The following CDH26 variants were observed in gnomAD, a reference collection of about 807,000 sequenced individuals.
The protein encoded by CDH26 is cadherin 26.
In CDH26, 83 loss-of-function variants were observed where a neutral mutation model predicts 90.3. The observed-to-expected ratio is 0.92, with a 90% confidence interval of 0.77 to 1.10. The LOEUF (loss-of-function observed/expected upper bound fraction) is 1.10. Among genes scored for constraint, CDH26 ranks in the 50% least tolerant of loss-of-function variants. The probability of loss-of-function intolerance (pLI) is 0.00; values close to 1 mark genes in which losing one functional copy is unlikely to be tolerated. For synonymous variants in CDH26, 397 were observed against 396.3 expected, an observed-to-expected ratio of 1.00 and a Z score of -0.02; for missense variants, 1,013 against 1,037.6, an observed-to-expected ratio of 0.98 and a Z score of 0.33.
At chr20:59,982,193 T>C (rs1472111113) in intron 4 of CDH26, among the ~76,000 whole-genome samples, 1 of 152,210 alleles carries the variant, frequency 6.6e-6, no homozygotes, top group Non-Finnish European at 1.5e-5. Context: ...ATTCATTTTA[T>C]TGATCATTTC....
In CDH26 at chr20:59,980,703, A is replaced by G. The variant is rs79905120; in HGVS notation, c.394-2220A>G. On this transcript the variant is annotated intron_variant, in intron 4 of 17. Coordinates refer to ENST00000348616, the MANE Select transcript of CDH26 (RefSeq NM_177980.4). ...ATTGTCTTTTCATTTTTGTCTTCTC[A>G]TTCTTACCTTTGTCTTTTCATTCTT... Among the ~76,000 whole-genome samples, 18 of 152,254 alleles carry G rather than the reference A, an allele frequency of 1.2e-4. No homozygotes were observed. In the East Asian group the frequency reaches 3.5e-3, roughly 29 times the overall value.
intron 7 of CDH26, among the ~76,000 whole-genome samples, chr20:60,024,189 G>A (rs910876246): frequency 6.6e-6 from 1 of 152,196 alleles, no homozygotes; most frequent in Admixed American, 6.5e-5. Flanking sequence ...TCCTCTGGGG[G>A]GTTGGAACAA....
chr20:59,985,641 C>T (rs964909670), intron 7 of CDH26, among the ~76,000 whole-genome samples: 3 of 152,004 alleles, frequency 2.0e-5, no homozygotes, highest in Admixed American at 6.6e-5. Context: ...GAGATTTGGG[C>T]GGGGACAGAT....
rs368464426 is a variant in CDH26, at chr20:60,012,514, C to A, written c.2296-13C>A. Reference sequence around the variant, plus strand: ...CATGGCATTTACCTTCTCTTTCCCCCACTTTTCCCCAGAAACTCCATGTTG... The same window carrying A: ...CATGGCATTTACCTTCTCTTTCCCCAACTTTTCCCCAGAAACTCCATGTTG... On this transcript the variant is annotated splice_polypyrimidine_tract_variant and intron_variant, in intron 17 of 17. Transcript: ENST00000348616. 5 of 1,608,352 alleles carry A rather than the reference C, an allele frequency of 3.1e-6. No individual in the cohort carries two copies. The highest frequency in any genetic ancestry group is 3.4e-6 in the Non-Finnish European group (4 of 1,176,818).
At chr20:60,028,569 A>C (rs913258595) in intron 7 of CDH26, among the ~76,000 whole-genome samples, 1 of 152,250 alleles carries the variant, frequency 6.6e-6, no homozygotes, top group African/African-American at 2.4e-5. Flanking sequence ...AACGCTGAGC[A>C]GGGAGTTCAT....
At chr20:60,028,118 A>G (rs2062013117) in intron 7 of CDH26, among the ~76,000 whole-genome samples, 1 of 152,198 alleles carries the variant, frequency 6.6e-6, no homozygotes, top group South Asian at 2.1e-4. Context: ...CTGTGTAATC[A>G]TCACCACTGA....
chr20:60,017,561 G>T (rs772358846), downstream of CDH26, among the ~76,000 whole-genome samples: 2 of 151,742 alleles, frequency 1.3e-5, no homozygotes, highest in African/African-American at 2.4e-5. Context: ...TCAACTTTTT[G>T]TTTCATTAAC....
At position 59,995,921 on chromosome 20, in the gene CDH26, C is replaced by G; in HGVS notation, c.1755C>G (p.Ser585=). The G allele has an allele frequency of 6.2e-7, 1 of 1,614,204 alleles. No individual in the cohort carries two copies. Among genetic ancestry groups the G allele is most frequent in the Non-Finnish European group, 8.5e-7 (1 of 1,180,042 alleles). ...PLFIGDKQGL[S]QKQTVHVRIC... ...TCATTGGAGACAAACAGGGACTTTC[C>G]CAGAAGCAAACTGTCCATGTAAGGA... Residue 585 remains serine (S), a synonymous_variant, in exon 12 of 18, where the codon TCC becomes TCG. Transcript: ENST00000348616.
chr20:60,032,742 G>C (rs1218364090), intron 8 of CDH26, among the ~76,000 whole-genome samples: 2 of 150,568 alleles, frequency 1.3e-5, no homozygotes, highest in Non-Finnish European at 3.0e-5. Context: ...GTAAACTATC[G>C]CAAGAACAAA....
intron 16 of CDH26, among the ~76,000 whole-genome samples, chr20:60,006,164 C>T (rs1000109487): frequency 1.3e-4 from 20 of 152,216 alleles, no homozygotes; most frequent in Non-Finnish European, 5.9e-5. Context: ...GCCTCCAGGC[C>T]AGCCTGACTC....
At chr20:60,020,229 C>G (rs1365746522) in intron 7 of CDH26, among the ~76,000 whole-genome samples, 1 of 152,176 alleles carries the variant, frequency 6.6e-6, no homozygotes, top group Non-Finnish European at 1.5e-5. Context: ...GGCTATTTCT[C>G]AGGCCTGGGA....
Position 59,970,192 on chromosome 20 carries a change from G to T in CDH26, c.231+6G>T, listed in dbSNP as rs577785384. ...TTCCCAAACTCATTGGTGAGGTAAG[G>T]TGCCTACTCTTAAGGAATGACCCCA... On this transcript the variant is annotated splice_donor_region_variant and intron_variant, in intron 3 of 17. Coordinates refer to ENST00000348616, the MANE Select transcript of CDH26 (RefSeq NM_177980.4). The T allele has an allele frequency of 6.2e-7, 1 of 1,613,050 alleles. No homozygotes were observed. Among genetic ancestry groups the T allele is most frequent in the African/African-American group, 1.3e-5 (1 of 74,974 alleles).
Position 60,014,146 on chromosome 20 carries a change from A to T in CDH26, c.*1416A>T, listed in dbSNP as rs1270748400. The T allele has an allele frequency of 1.3e-5, 2 of 152,162 alleles. No individual in the cohort carries two copies. Among genetic ancestry groups the T allele is most frequent in the Admixed American group, 6.5e-5 (1 of 15,274 alleles). 9.4% of individuals were successfully genotyped at this position (152,162 alleles called of 1,614,324 possible). ...TTTTTAAAAAATTATCTCATTTTAAAACTTTATTATTTCATTTTAAATAAT... is the reference window on the plus strand; with the variant it reads ...TTTTTAAAAAATTATCTCATTTTAATACTTTATTATTTCATTTTAAATAAT... On this transcript the variant is annotated 3_prime_UTR_variant, in exon 18 of 18. Transcript: ENST00000348616.
chr20:60,029,971 C>T (rs772347106), intron 7 of CDH26, among the ~76,000 whole-genome samples: 1 of 151,890 alleles, frequency 6.6e-6, no homozygotes, highest in Non-Finnish European at 1.5e-5. Context: ...AGCAAAGGAA[C>T]ACATGGTCAC....
chr20:59,994,061 C>T, intron 10 of CDH26, 189 bp from the exon 11 acceptor site: 1 of 668,538 alleles, frequency 1.5e-6, no homozygotes. Context: ...ATTAGCTTAC[C>T]CAAATATTCT....
At chr20:59,960,394 AACACACACACAC>A (rs111336064) in intron 1 of CDH26, among the ~76,000 whole-genome samples, 2 of 148,560 alleles carry the variant, frequency 1.3e-5, no homozygotes, top group African/African-American at 2.5e-5. Flanking sequence ...CTTATGTTAA[AACACACACACAC>A]ACACACACAC....
chr20:59,974,483 A>G (rs1197713147), intron 4 of CDH26, among the ~76,000 whole-genome samples: 5 of 152,196 alleles, frequency 3.3e-5, no homozygotes, highest in Non-Finnish European at 7.3e-5. Context: ...CTGAAACTCG[A>G]AGTTGAGTTG....
intron 4 of CDH26, 85 bp downstream of exon 4, chr20:59,972,208 T>A: frequency 7.7e-7 from 1 of 1,294,632 alleles, no homozygotes; most frequent in Non-Finnish European, 1.1e-6. Context: ...TTAAGCTGAC[T>A]ATGTGCCAGG....
At chr20:60,016,966 C>A (rs773727162), downstream of CDH26, among the ~76,000 whole-genome samples, 1 of 152,048 alleles carries the variant, frequency 6.6e-6, no homozygotes, top group Non-Finnish European at 1.5e-5. Context: ...ATAAATTCCA[C>A]TTGACCATGA....
Sources: gnomAD v4.1 joint callset for allele counts (sites outside exome capture counted in the v4.1 genomes callset) on GRCh38, gnomAD v4.1.1 for gene constraint, MANE v1.5 for transcripts, NCBI Gene and HGNC (gene_info 2026-07-23, HGNC 2026-07-21) for gene names.